The following SUPT16H variants were observed in gnomAD, a reference collection of about 807,000 sequenced individuals.
SUPT16H encodes SPT16 homolog, facilitates chromatin remodeling subunit, also known as FACT complex subunit SPT16.
Under a neutral mutation model 136.2 loss-of-function variants are expected in SUPT16H, and 24 were observed. The observed-to-expected ratio is 0.18, with a 90% CI of 0.13 to 0.25. The LOEUF is 0.25. Among genes scored for constraint, SUPT16H ranks in the 10% least tolerant of loss-of-function variants. The pLI is 1.00. For missense variants in SUPT16H, 623 were observed against 1,270.2 expected (o/e 0.49, Z 7.74); for synonymous variants, 415 against 428.2 (o/e 0.97, Z 0.38).
In SUPT16H at chr14:21,357,322, A is replaced by G. The variant is rs151051830; in HGVS notation, c.2535T>C (p.Phe845=). Reference sequence around the variant, plus strand: ...TCTTCAGGTGAAACTGGACCCGCTCAAAGTGGATCAGCTCTACCTCATCCA... The same window carrying G: ...TCTTCAGGTGAAACTGGACCCGCTCGAAGTGGATCAGCTCTACCTCATCCA... ...VTLDEVELIH[F]ERVQFHLKNF... Residue 845 remains phenylalanine, a synonymous_variant, in exon 22 of 26, where the codon TTT becomes TTC. Coordinates refer to ENST00000216297, the MANE Select transcript of SUPT16H (RefSeq NM_007192.4). 8.8e-5 allele frequency: 142 copies of G among 1,613,226 alleles called. No homozygotes were observed. The African/African-American group carries it at 1.5e-3, about 17-fold the overall frequency.
At chr14:21,380,968 G>A (rs1887009657) in intron 1 of SUPT16H, among the ~76,000 whole-genome samples, 1 of 149,698 alleles carries the variant, frequency 6.7e-6, no homozygotes, top group African/African-American at 2.5e-5. Context: ...AAAGAAACAT[G>A]CAGCCCATTT....
At position 21,352,691 on chromosome 14, in the gene SUPT16H, G is replaced by T. The variant is rs1339958979; in HGVS notation, c.3126C>A (p.Pro1042=). 3 of 1,614,020 alleles carry T rather than the reference G, an allele frequency of 1.9e-6. No individual in the cohort carries two copies. The South Asian group carries it at 3.3e-5, about 18-fold the overall frequency. The change falls in exon 26 of 26, where the codon CCC becomes CCA. Residue 1042 remains proline, a synonymous_variant. Coordinates refer to ENST00000216297, the MANE Select transcript of SUPT16H (RefSeq NM_007192.4). ...NRGSRHSSAP[P]KKKRK ...TCAGAAGTTACTTCCTCTTTTTCTT[G>T]GGGGGTGCAGAGCTGTGTCTGGAAC...
chr14:21,366,323 G>C (rs1886665040), intron 8 of SUPT16H, 116 bp downstream of exon 8: 1 of 934,120 alleles, frequency 1.1e-6, no homozygotes, highest in Admixed American at 2.1e-5. Context: ...ACATAGTATA[G>C]TTTGCTAGTC....
chr14:21,369,087 A>C, intron 6 of SUPT16H, 117 bp downstream of exon 6: 1 of 1,193,958 alleles, frequency 8.4e-7, no homozygotes, highest in Non-Finnish European at 1.2e-6. Context: ...TGGTAACACT[A>C]TACATTATAT....
chr14:21,362,404 A>C (rs1886575766), intron 14 of SUPT16H, 80 bp from the exon 15 acceptor site: 4 of 1,436,628 alleles, frequency 2.8e-6, no homozygotes, highest in Non-Finnish European at 3.8e-6. Flanking sequence ...AAATTAAGTT[A>C]GGAGTTACAA....
At chr14:21,359,315 G>A (rs1013510751) in intron 19 of SUPT16H, among the ~76,000 whole-genome samples, 169 bp downstream of exon 19, 6 of 150,414 alleles carry the variant, frequency 4.0e-5, no homozygotes, top group Middle Eastern at 3.3e-3. Flanking sequence ...GGCTGGTCTC[G>A]AACTCCTGAC....
chr14:21,356,744 AACC>A (rs3068335), intron 22 of SUPT16H, among the ~76,000 whole-genome samples: 3 of 152,056 alleles, frequency 2.0e-5, no homozygotes, highest in African/African-American at 4.8e-5. Flanking sequence ...TGTCTCAAAC[AACC>A]ACCACCACCA....
In SUPT16H at chr14:21,366,504, G is replaced by A. The variant is rs962178252; in HGVS notation, c.981C>T (p.Asn327=). 2.5e-6 allele frequency: 4 copies of A among 1,613,994 alleles called. No individual in the cohort carries two copies. The highest frequency in any genetic ancestry group is 1.7e-5 in the Admixed American group (1 of 60,000). Residue 327 remains asparagine (N), a synonymous_variant, in exon 8 of 26, where the codon AAC becomes AAT. Transcript: ENST00000216297. ...RHGVKICDVY[N]AVMDVVKKQK... ...GCTTTTTAACCACGTCCATGACAGCGTTATACACGTCACATATCTTCACAC... is the reference window on the plus strand; with the variant it reads ...GCTTTTTAACCACGTCCATGACAGCATTATACACGTCACATATCTTCACAC...
chr14:21,361,014 A>T (rs377368569), intron 16 of SUPT16H, 42 bp from the exon 17 acceptor site: 18 of 1,611,020 alleles, frequency 1.1e-5, no homozygotes, highest in Non-Finnish European at 1.4e-5. Context: ...ACATATCCTT[A>T]CAAGTCTCCA....
chr14:21,356,091 T>C (rs1278549389), intron 22 of SUPT16H, among the ~76,000 whole-genome samples: 1 of 152,218 alleles, frequency 6.6e-6, no homozygotes, highest in African/African-American at 2.4e-5. Context: ...CACAACCTGA[T>C]GGTCTCCAGG....
Position 21,363,565 on chromosome 14 carries a change from A to G in SUPT16H, c.1234-62T>C. ...AAGAGGCAATTTCATTTTCTAACCT[A>G]GTAAACGGCTGGGCAATGCTTTGAA... On this transcript the variant is annotated intron_variant, in intron 10 of 25. Coordinates refer to ENST00000216297, the MANE Select transcript of SUPT16H (RefSeq NM_007192.4). 4 of 1,444,284 alleles carry G rather than the reference A, an allele frequency of 2.8e-6. No homozygotes were observed. The African/African-American group carries it at 4.2e-5, about 15-fold the overall frequency. 89.5% of individuals were successfully genotyped at this position (1,444,284 alleles called of 1,614,324 possible). A position where few individuals can be genotyped will look rare whatever the true frequency, so the allele number is the denominator to read the frequency against.
At chr14:21,369,496 C>A (rs1011770832) in intron 5 of SUPT16H, 141 bp from the exon 6 acceptor site, 17 of 1,133,560 alleles carry the variant, frequency 1.5e-5, no homozygotes, top group Non-Finnish European at 1.9e-5. Flanking sequence ...TATTGGTATG[C>A]AGGCAAAACA....
intron 8 of SUPT16H, among the ~76,000 whole-genome samples, 166 bp from the exon 9 acceptor site, chr14:21,365,309 C>T (rs1886642318): frequency 1.3e-5 from 2 of 152,196 alleles, no homozygotes; most frequent in Admixed American, 1.3e-4. Flanking sequence ...CAGTCTTTGG[C>T]CTCTAAACAT....
rs1401476440 is a variant in SUPT16H, at chr14:21,352,348, C to G, written c.*325G>C. The G allele has an allele frequency of 3.1e-6, 1 of 324,550 alleles. No individual in the cohort carries two copies. The highest frequency in any genetic ancestry group is 5.9e-6 in the Non-Finnish European group (1 of 169,046). 20.1% of individuals were successfully genotyped at this position (324,550 alleles called of 1,614,324 possible). Reference sequence around the variant, plus strand: ...TCTTGGAAATACAGCTTTGAGACACCAAATAAGATGTCAGAAGCCATCAAT... The same window carrying G: ...TCTTGGAAATACAGCTTTGAGACACGAAATAAGATGTCAGAAGCCATCAAT... On this transcript the variant is annotated 3_prime_UTR_variant, in exon 26 of 26. Transcript: ENST00000216297.
chr14:21,370,424 T>C lies in SUPT16H; in HGVS notation c.395A>G (p.Lys132Arg). The C allele has an allele frequency of 6.2e-7, 1 of 1,614,122 alleles. No individual in the cohort carries two copies. Among genetic ancestry groups the C allele is most frequent in the South Asian group, 1.1e-5 (1 of 91,084 alleles). Reference sequence around the variant, plus strand: ...GTCTTTGCTGAACACTCCAATCTTCTTGCCATTCTTGCTTTCTTTAATGGC... The same window carrying C: ...GTCTTTGCTGAACACTCCAATCTTCCTGCCATTCTTGCTTTCTTTAATGGC... ...IEAIKESKNG[K>R]KIGVFSKDKF... The change falls in exon 4 of 26, where the codon AAG (lysine) becomes AGG (arginine). Residue 132 changes from lysine (K) to arginine (R), a missense_variant. Lys to Arg is a conservative substitution (Grantham distance 26). Transcript: ENST00000216297.
intron 1 of SUPT16H, among the ~76,000 whole-genome samples, chr14:21,378,669 A>T (rs184752133): frequency 4.6e-5 from 7 of 152,346 alleles, no homozygotes; most frequent in Non-Finnish European, 1.5e-5. Flanking sequence ...AAAGAAGTTA[A>T]ATTCAGATTT....
At chr14:21,379,627 C>T (rs981173577) in intron 1 of SUPT16H, among the ~76,000 whole-genome samples, 4 of 151,334 alleles carry the variant, frequency 2.6e-5, no homozygotes, top group Non-Finnish European at 4.4e-5. Context: ...CCGAGGTGGG[C>T]GGATCGCTTG....
chr14:21,377,640 T>G (rs537326277), intron 1 of SUPT16H, among the ~76,000 whole-genome samples: 2 of 150,542 alleles, frequency 1.3e-5, no homozygotes, highest in African/African-American at 4.9e-5. Flanking sequence ...TATTCTTTTT[T>G]TGAGACACAG....
rs1219233894 is a variant in SUPT16H, at chr14:21,352,502, G to A, written c.*171C>T. ...TGGGGCCATTGGCACGTGTCCTGGT[G>A]GGCCTGGAATTCCCCGAGTAGATTG... On this transcript the variant is annotated 3_prime_UTR_variant, in exon 26 of 26. Coordinates refer to ENST00000216297, the MANE Select transcript of SUPT16H (RefSeq NM_007192.4). 3 of 1,041,234 alleles carry A rather than the reference G, an allele frequency of 2.9e-6. No homozygotes were observed. In the African/African-American group the frequency reaches 4.8e-5, roughly 17 times the overall value. The allele number at this position is 1,041,234 out of a possible 1,614,324, so 64.5% of individuals were successfully genotyped here. A position where few individuals can be genotyped will look rare whatever the true frequency, so the allele number is the denominator to read the frequency against.
Sources: allele counts gnomAD v4.1 joint callset (sites outside exome capture counted in the v4.1 genomes callset), GRCh38; gene constraint gnomAD v4.1.1; transcripts MANE v1.5; gene names NCBI Gene and HGNC (gene_info 2026-07-23, HGNC 2026-07-21).